CYP7B1: variants seen among roughly 807,000 people sequenced by gnomAD.
CYP7B1 encodes the protein cytochrome P450 7B1.
A neutral mutation model predicts 42.7 loss-of-function variants in CYP7B1; 29 were observed. The observed-to-expected ratio is 0.68, with a 90% confidence interval of 0.51 to 0.93. The LOEUF (loss-of-function observed/expected upper bound fraction) is 0.93. CYP7B1 is among the 40% of genes least tolerant of loss of function. The pLI, the probability that CYP7B1 is intolerant of heterozygous loss-of-function variation, is 0.00. For missense variants in CYP7B1, 655 were observed against 600.5 expected, an observed-to-expected ratio of 1.09 and a Z score of -0.95; for synonymous variants, 235 against 218.2, an observed-to-expected ratio of 1.08 and a Z score of -0.68.
chr8:64,609,045 A>G (rs1420383932), intron 4 of CYP7B1, among the ~76,000 whole-genome samples: 1 of 152,200 alleles, frequency 6.6e-6, no homozygotes, highest in Non-Finnish European at 1.5e-5. Flanking sequence ...CAGCACATGG[A>G]CTTGGCCTTC....
chr8:64,664,062 A>G (rs927779480), intron 1 of CYP7B1, among the ~76,000 whole-genome samples: 2 of 152,294 alleles, frequency 1.3e-5, no homozygotes, highest in Non-Finnish European at 2.9e-5. Context: ...GGGCAGGTTC[A>G]GGATCCATGC....
At position 64,620,537 on chromosome 8, in the gene CYP7B1, A is replaced by C. The variant is rs369081714; in HGVS notation, c.259+3866T>G. On this transcript the variant is annotated intron_variant, in intron 2 of 5. Coordinates refer to ENST00000310193, the MANE Select transcript of CYP7B1 (RefSeq NM_004820.5). ...TTTCTCATGAAAAGATGTACTTTTT[A>C]ATTTCTTTATTAAGATGACATCCGT... is the stretch of plus-strand genomic sequence containing the variant. Among the ~76,000 whole-genome samples, 5 of 152,292 alleles carry C rather than the reference A, an allele frequency of 3.3e-5. No homozygotes were observed. In the South Asian group the frequency reaches 6.2e-4, roughly 19 times the overall value.
At position 64,593,688 on chromosome 8, in the gene CYP7B1, C is replaced by T. The variant is rs754931792; in HGVS notation, c.*2954G>A. ...GATAAAAATCCAAGGAACATGGGCT[C>T]AGTAAACAAGCCATTCCTGGTAACA... On this transcript the variant is annotated 3_prime_UTR_variant, in exon 6 of 6. Coordinates refer to ENST00000310193, the MANE Select transcript of CYP7B1 (RefSeq NM_004820.5). Among the ~76,000 whole-genome samples the T allele has an allele frequency of 2.0e-5, 3 of 152,184 alleles. No homozygotes were observed. Among genetic ancestry groups the T allele is most frequent in the Middle Eastern group, 3.4e-3 (1 of 294 alleles).
chr8:64,798,437 A>C, intron 1 of CYP7B1, 29 bp downstream of exon 1: 3 of 1,504,148 alleles, frequency 2.0e-6, no homozygotes, highest in Non-Finnish European at 2.6e-6. Flanking sequence ...CCCAGGGCGC[A>C]TGCGTGGCCT....
intron 1 of CYP7B1, among the ~76,000 whole-genome samples, chr8:64,781,406 T>C (rs1034409811): frequency 6.6e-6 from 1 of 152,124 alleles, no homozygotes; most frequent in Non-Finnish European, 1.5e-5. Context: ...CCAGAAGACA[T>C]GGGCCTCACT....
chr8:64,776,395 G>A lies in CYP7B1; in HGVS notation c.122+22071C>T, dbSNP rs559396477. On this transcript the variant is annotated intron_variant, in intron 1 of 5. Transcript: ENST00000310193. ...TACAATTAGAAAACTTTAAGTTGCT[G>A]ACAAATAAAGAACAACCAATTTTTC... Among the ~76,000 whole-genome samples, 3 of 152,164 alleles carry A rather than the reference G, an allele frequency of 2.0e-5. No individual in the cohort carries two copies. The East Asian group carries it at 5.8e-4, about 29-fold the overall frequency.
intron 1 of CYP7B1, among the ~76,000 whole-genome samples, chr8:64,738,423 T>G (rs1807521770): frequency 6.6e-6 from 1 of 152,150 alleles, no homozygotes; most frequent in Non-Finnish European, 1.5e-5. Context: ...AGAAGCTATG[T>G]TCACAGAATC....
chr8:64,615,245 A>G lies in CYP7B1; in HGVS notation c.851-13T>C. The G allele has an allele frequency of 6.2e-7, 1 of 1,607,646 alleles. No individual in the cohort carries two copies. Among genetic ancestry groups the G allele is most frequent in the South Asian group, 1.1e-5 (1 of 90,378 alleles). On this transcript the variant is annotated splice_polypyrimidine_tract_variant and intron_variant, in intron 3 of 5. Coordinates refer to ENST00000310193, the MANE Select transcript of CYP7B1 (RefSeq NM_004820.5). Reference sequence around the variant, plus strand: ...CCTAAATGATGTGCTGGGAGAAAATAAGTGAAAAGGAAGATTAATAGCGTT... The same window carrying G: ...CCTAAATGATGTGCTGGGAGAAAATGAGTGAAAAGGAAGATTAATAGCGTT...
chr8:64,611,007 T>G (rs185191582), intron 4 of CYP7B1, among the ~76,000 whole-genome samples: 4 of 152,196 alleles, frequency 2.6e-5, no homozygotes, highest in Non-Finnish European at 5.9e-5. Flanking sequence ...CAAATAATAA[T>G]TATTAATATT....
intron 4 of CYP7B1, 149 bp from the exon 5 acceptor site, chr8:64,605,006 G>A: frequency 1.0e-6 from 1 of 954,686 alleles, no homozygotes; most frequent in Non-Finnish European, 1.6e-6. Context: ...AGGGAGCCAA[G>A]GGTGGCTGTG....
chr8:64,744,446 A>G (rs1365368477), intron 1 of CYP7B1, among the ~76,000 whole-genome samples: 1 of 152,090 alleles, frequency 6.6e-6, no homozygotes, highest in African/African-American at 2.4e-5. Flanking sequence ...ACCCCATTCC[A>G]CAATCCCAGT....
At chr8:64,777,856 GA>G (rs200006487) in intron 1 of CYP7B1, among the ~76,000 whole-genome samples, 51 of 143,270 alleles carry the variant, frequency 3.6e-4, no homozygotes, top group Middle Eastern at 3.5e-3. Flanking sequence ...TTCAGTATAG[GA>G]AAAAAAAAAC....
At chr8:64,738,635 T>C (rs1192265101) in intron 1 of CYP7B1, among the ~76,000 whole-genome samples, 1 of 152,108 alleles carries the variant, frequency 6.6e-6, no homozygotes. Context: ...TCAGCTCCAA[T>C]ATGTAAAGAG....
intron 1 of CYP7B1, among the ~76,000 whole-genome samples, chr8:64,642,688 G>C (rs966789954): frequency 6.6e-6 from 1 of 152,086 alleles, no homozygotes; most frequent in Admixed American, 6.6e-5. Context: ...ATTATGGTCA[G>C]CTATAGAACA....
chr8:64,792,864 T>C (rs1804642581), intron 1 of CYP7B1, among the ~76,000 whole-genome samples: 1 of 151,896 alleles, frequency 6.6e-6, no homozygotes, highest in South Asian at 2.1e-4. Context: ...AGTGAATGCA[T>C]TTTTTTTAAT....
At chr8:64,681,855 T>C (rs1156811944) in intron 1 of CYP7B1, among the ~76,000 whole-genome samples, 1 of 152,178 alleles carries the variant, frequency 6.6e-6, no homozygotes, top group Non-Finnish European at 1.5e-5. Context: ...TAATAAATGT[T>C]TGTTGTTTCA....
chr8:64,746,831 A>C (rs1807650403), intron 1 of CYP7B1, among the ~76,000 whole-genome samples: 1 of 152,100 alleles, frequency 6.6e-6, no homozygotes, highest in South Asian at 2.1e-4. Flanking sequence ...GATTAAAAGA[A>C]CATTTGACAT....
intron 1 of CYP7B1, among the ~76,000 whole-genome samples, chr8:64,721,983 G>A (rs1021922521): frequency 2.0e-5 from 3 of 151,820 alleles, no homozygotes; most frequent in Non-Finnish European, 2.9e-5. Context: ...TATAAACCTC[G>A]AATTAACTAT....
intron 1 of CYP7B1, among the ~76,000 whole-genome samples, chr8:64,747,984 TG>T (rs1807670125): frequency 6.6e-6 from 1 of 152,168 alleles, no homozygotes; most frequent in Non-Finnish European, 1.5e-5. Context: ...TTGCAGCACC[TG>T]GAAGCCATAC....
Sources: allele counts gnomAD v4.1 joint callset (sites outside exome capture counted in the v4.1 genomes callset), GRCh38; gene constraint gnomAD v4.1.1; transcripts MANE v1.5; gene names NCBI Gene and HGNC (gene_info 2026-07-23, HGNC 2026-07-21).